The following FANCM variants were observed in gnomAD, a reference collection of about 807,000 sequenced individuals.
FANCM encodes FA complementation group M.
In FANCM, 140 loss-of-function variants were observed where a neutral mutation model predicts 199.5. The ratio of observed to expected loss-of-function variants is 0.70; its 90% CI spans 0.61 to 0.81. The LOEUF (loss-of-function observed/expected upper bound fraction) is 0.81, where lower values mean the gene tolerates loss of function less well. Ranked by LOEUF, FANCM falls within the 30% of genes least tolerant of loss-of-function variation. The pLI is 0.00. For synonymous variants in FANCM, 840 were observed against 836.8 expected (o/e 1.00, Z -0.07); for missense variants, 2,410 against 2,421.4 (o/e 1.00, Z 0.10).
chr14:45,175,123 T>G lies in FANCM; in HGVS notation c.2369T>G (p.Val790Gly). The G allele has an allele frequency of 1.9e-6, 3 of 1,612,338 alleles. No homozygotes were observed. Among genetic ancestry groups the G allele is most frequent in the Non-Finnish European group, 2.5e-6 (3 of 1,178,934 alleles). The stretch of plus-strand genomic sequence containing the variant: ...GAATCTTATTTACAAATGGAAGATG[T>G]TACCTCAACATTTATTGCTCCCAGG... The part of the protein sequence containing the change: ...EVESYLQMED[V>G]TSTFIAPRNE... The change falls in exon 14 of 23, where the codon GTT becomes GGT. Residue 790 changes from valine (V) to glycine (G), a missense_variant. Coordinates refer to ENST00000267430, the MANE Select transcript of FANCM (RefSeq NM_020937.4).
chr14:45,166,289 G>A (rs1594786436), intron 10 of FANCM, among the ~76,000 whole-genome samples: 1 of 151,748 alleles, frequency 6.6e-6, no homozygotes. Flanking sequence ...ATGCCACCAT[G>A]CCCGGCTAAT....
chr14:45,198,947 G>T lies in FANCM; in HGVS notation c.6008+12G>T, dbSNP rs980668545. 1 of 1,586,088 alleles carries T rather than the reference G, an allele frequency of 6.3e-7. No homozygotes were observed. The highest frequency in any genetic ancestry group is 1.1e-5 in the South Asian group (1 of 89,408). ...AGGATGGCTAACAGGTATGTCTGTT[G>T]TAATATTTTTAAATGATTACTTTTA... On this transcript the variant is annotated intron_variant, in intron 22 of 22. Transcript: ENST00000267430.
intron 14 of FANCM, among the ~76,000 whole-genome samples, chr14:45,177,565 T>C (rs571191778): frequency 6.6e-6 from 1 of 152,270 alleles, no homozygotes; most frequent in South Asian, 2.1e-4. Context: ...CTAAGTTTTG[T>C]ATTTTTAATA....
At chr14:45,159,813 A>T (rs886638628) in intron 9 of FANCM, among the ~76,000 whole-genome samples, 4 of 152,098 alleles carry the variant, frequency 2.6e-5, no homozygotes, top group African/African-American at 9.7e-5. Context: ...CGGTTTTCTA[A>T]GTGCTGTGAT....
rs1227601611 is a variant in FANCM, at chr14:45,196,311, T to C, written c.5480T>C (p.Ile1827Thr). ...TGTATTCTTGTAGGTGGTCATGAAA[T>C]CACTTCTGGATTAGAAGTAATTTCT... ...GTCILVGGHE[I>T]TSGLEVISSL... is the part of the protein sequence containing the mutation. The change falls in exon 21 of 23, where the codon ATC (isoleucine) becomes ACC (threonine). Residue 1827 changes from isoleucine to threonine, a missense_variant. Coordinates refer to ENST00000267430, the MANE Select transcript of FANCM (RefSeq NM_020937.4). 6.2e-7 allele frequency: 1 copy of C among 1,614,140 alleles called. No homozygotes were observed. The highest frequency in any genetic ancestry group is 1.7e-5 in the Admixed American group (1 of 60,012).
At position 45,176,539 on chromosome 14, in the gene FANCM, G is replaced by A. The variant is rs2139251254; in HGVS notation, c.3785G>A (p.Arg1262Lys). 6.2e-7 allele frequency: 1 copy of A among 1,600,322 alleles called. No individual in the cohort carries two copies. Residue 1262 changes from arginine (R) to lysine (K), a missense_variant, in exon 14 of 23, where the codon AGG (arginine) becomes AAG (lysine). Physicochemically the swap from Arg to Lys is conservative, Grantham distance 26. Coordinates refer to ENST00000267430, the MANE Select transcript of FANCM (RefSeq NM_020937.4). ...AGACCTCTAGATGATCTATATGGAA[G>A]GTATTTGGAAATTAAGGAGATAAGT... The part of the protein sequence containing the change: ...SNRPLDDLYG[R>K]YLEIKEISDA...
chr14:45,178,159 A>G (rs1160593390), intron 14 of FANCM, among the ~76,000 whole-genome samples: 1 of 152,198 alleles, frequency 6.6e-6, no homozygotes, highest in Non-Finnish European at 1.5e-5. Context: ...CATGGAGGAC[A>G]TGGTTCGTGA....
chr14:45,195,049 A>G (rs1889984663), intron 20 of FANCM, among the ~76,000 whole-genome samples: 1 of 152,114 alleles, frequency 6.6e-6, no homozygotes, highest in South Asian at 2.1e-4. Flanking sequence ...GCTGTATCAT[A>G]TTTTTATTAC....
At chr14:45,151,626 C>A (rs780604040) in intron 5 of FANCM, 98 bp downstream of exon 5, 4 of 1,144,432 alleles carry the variant, frequency 3.5e-6, no homozygotes, top group Non-Finnish European at 5.2e-6. Flanking sequence ...ATTAGCTCAT[C>A]AATAATTGAA....
At chr14:45,184,425 G>T (rs1889258019) in intron 17 of FANCM, among the ~76,000 whole-genome samples, 1 of 152,132 alleles carries the variant, frequency 6.6e-6, no homozygotes, top group Non-Finnish European at 1.5e-5. Context: ...ACTTTGGGAG[G>T]CTGAGCCAGG....
At position 45,159,248 on chromosome 14, in the gene FANCM, A is replaced by G. The variant is rs748924529; in HGVS notation, c.1549A>G (p.Thr517Ala). The G allele has an allele frequency of 6.2e-7, 1 of 1,613,730 alleles. No homozygotes were observed. Among genetic ancestry groups the G allele is most frequent in the Non-Finnish European group, 8.5e-7 (1 of 1,179,722 alleles). ...TFVGHASGKS[T>A]KGFTQKEQLE... ...TGTCGGCCATGCCTCAGGGAAAAGC[A>G]CGAAGGGTTTTACCCAGAAGGAGCA... The change falls in exon 9 of 23, where the codon ACG becomes GCG. Residue 517 changes from threonine to alanine, a missense_variant. Transcript: ENST00000267430.
Position 45,163,585 on chromosome 14 carries a change from G to C in FANCM, c.1582-774G>C, listed in dbSNP as rs547283057. Among the ~76,000 whole-genome samples the C allele has an allele frequency of 5.3e-5, 8 of 152,232 alleles. No homozygotes were observed. In the South Asian group the frequency reaches 1.5e-3, roughly 28 times the overall value. On this transcript the variant is annotated intron_variant, in intron 9 of 22. Coordinates refer to ENST00000267430, the MANE Select transcript of FANCM (RefSeq NM_020937.4). ...CATTAAACTGATCAGAGAAATCCTG[G>C]AATGGTAGTATAAAAGGTAAGATAT...
chr14:45,157,146 TA>T (rs569793845), intron 8 of FANCM, among the ~76,000 whole-genome samples: 11 of 151,762 alleles, frequency 7.2e-5, no homozygotes, highest in Admixed American at 2.0e-4. Context: ...ATTTGTCAAT[TA>T]AAAAAAAGAA....
At chr14:45,182,629 C>T (rs185535291) in intron 16 of FANCM, among the ~76,000 whole-genome samples, 185 of 152,284 alleles carry the variant, frequency 1.2e-3, no homozygotes, top group African/African-American at 4.1e-3. Flanking sequence ...TAATGATACT[C>T]ACCAGTTTAT....
At chr14:45,192,460 A>G (rs1316858602) in intron 20 of FANCM, among the ~76,000 whole-genome samples, 1 of 152,132 alleles carries the variant, frequency 6.6e-6, no homozygotes, top group Non-Finnish European at 1.5e-5. Flanking sequence ...TGGCCAACAC[A>G]GTGAAACTCC....
In FANCM at chr14:45,185,328, C is replaced by G. The variant is rs139536545; in HGVS notation, c.4627C>G (p.Leu1543Val). The part of the protein sequence containing the change: ...ESENEQDSSL[L>V]DFLNDETQLS... ...AGAAAATGAACAAGATTCCTCATTA[C>G]TTGACTTTTTAAATGATGAAACTCA... Residue 1543 changes from leucine to valine, a missense_variant, in exon 18 of 23, where the codon CTT (leucine) becomes GTT (valine). Physicochemically the swap from Leu to Val is conservative, Grantham distance 32. Transcript: ENST00000267430. The G allele has an allele frequency of 4.4e-6, 7 of 1,592,726 alleles. No homozygotes were observed. The highest frequency in any genetic ancestry group is 2.2e-5 in the East Asian group (1 of 44,570).
chr14:45,137,903 G>A (rs1014940606), intron 2 of FANCM: 3 of 152,758 alleles, frequency 2.0e-5, no homozygotes, highest in African/African-American at 7.2e-5. Context: ...GTTTGGCTGG[G>A]ATAACACTTA....
intron 14 of FANCM, among the ~76,000 whole-genome samples, chr14:45,181,073 G>T (rs1889036288): frequency 6.6e-6 from 1 of 152,066 alleles, no homozygotes; most frequent in Non-Finnish European, 1.5e-5. Context: ...AGACACAAAG[G>T]GCAGAAAGAC....
At chr14:45,169,855 A>G (rs1888228441) in intron 11 of FANCM, among the ~76,000 whole-genome samples, 1 of 152,162 alleles carries the variant, frequency 6.6e-6, no homozygotes, top group South Asian at 2.1e-4. Context: ...AAAGTCTATT[A>G]TGTCCTTTTT....
Sources: allele counts gnomAD v4.1 joint callset (sites outside exome capture counted in the v4.1 genomes callset), GRCh38; gene constraint gnomAD v4.1.1; transcripts MANE v1.5; gene names NCBI Gene and HGNC (gene_info 2026-07-23, HGNC 2026-07-21).